Variants in BCL11A observed in about 807,000 individuals in gnomAD.
The protein encoded by BCL11A is BCL11 transcription factor A.
A neutral mutation model predicts 55.9 loss-of-function variants in BCL11A; 2 were observed. That is an observed-to-expected ratio of 0.04 (90% CI 0.01 to 0.11). The LOEUF (loss-of-function observed/expected upper bound fraction) is 0.11. BCL11A is among the 10% of genes least tolerant of loss of function. BCL11A has a pLI of 1.00. For synonymous variants in BCL11A, 465 were observed against 473.4 expected (o/e 0.98, Z 0.23); for missense variants, 817 against 1,137.1 (o/e 0.72, Z 4.05).
chr2:60,548,283 T>G (rs1017560584), intron 1 of BCL11A, among the ~76,000 whole-genome samples: 1 of 149,780 alleles, frequency 6.7e-6, no homozygotes, highest in Non-Finnish European at 1.5e-5. Flanking sequence ...TACTAGTACA[T>G]AGAACCTTTG....
intron 2 of BCL11A, among the ~76,000 whole-genome samples, chr2:60,498,362 C>T (rs986956080): frequency 2.0e-5 from 3 of 152,024 alleles, no homozygotes; most frequent in African/African-American, 7.2e-5. Flanking sequence ...AACTCCCTAC[C>T]GCGACCCCTA....
intron 2 of BCL11A, chr2:60,526,288 A>T (rs1008223678): frequency 2.0e-5 from 3 of 152,256 alleles, no homozygotes; most frequent in Non-Finnish European, 4.4e-5. Context: ...ATTTTTAAAT[A>T]GTTTTCATCT....
intron 2 of BCL11A, among the ~76,000 whole-genome samples, chr2:60,492,424 T>C (rs1465051299): frequency 1.3e-5 from 2 of 152,180 alleles, no homozygotes. Context: ...TTAGAATAAA[T>C]GTATTTCTAG....
At chr2:60,499,478 A>G (rs1318082701) in intron 2 of BCL11A, among the ~76,000 whole-genome samples, 4 of 152,182 alleles carry the variant, frequency 2.6e-5, no homozygotes, top group Admixed American at 2.0e-4. Context: ...CTGAGGCCCA[A>G]TAGGCTGATT....
chr2:60,471,588 C>G (rs1256189236), intron 2 of BCL11A, among the ~76,000 whole-genome samples: 2 of 152,224 alleles, frequency 1.3e-5, no homozygotes, highest in African/African-American at 4.8e-5. Flanking sequence ...GCGTCAAACT[C>G]GAGGAGCAGC....
rs1348228671 is a variant in BCL11A at position 60,460,740 on chromosome 2, A to G, written c.2172T>C (p.His724=). 1 of 1,614,002 alleles carries G rather than the reference A, an allele frequency of 6.2e-7. No homozygotes were observed. Among genetic ancestry groups the G allele is most frequent in the Admixed American group, 1.7e-5 (1 of 60,018 alleles). ...GCCTGCCCGGGCCCGGACCACTAAT[A>G]TGGGGCGTGCTCCCTCCACTTCCCG... The part of the protein sequence containing the change: ...SGTGSGGSTP[H]ISGPGPGRPS... Residue 724 remains histidine, a synonymous_variant, in exon 4 of 4, where the codon CAT becomes CAC. Coordinates refer to ENST00000642384, the MANE Select transcript of BCL11A (RefSeq NM_022893.4).
Position 60,553,344 on chromosome 2 carries a change from G to A in BCL11A, c.-74C>T, listed in dbSNP as rs563779252. ...GACGACGGCTCGGTTCACATCGGGA[G>A]AGCCGGGTTAGAAAGAAGGAGACTC... On this transcript the variant is annotated 5_prime_UTR_variant, in exon 1 of 4. Transcript: ENST00000642384. 82 of 1,473,458 alleles carry A rather than the reference G, an allele frequency of 5.6e-5. No individual in the cohort carries two copies. In the East Asian group the frequency reaches 1.7e-3, roughly 31 times the overall value. 91.3% of individuals were successfully genotyped at this position (1,473,458 alleles called of 1,614,324 possible).
At position 60,458,567 on chromosome 2, in the gene BCL11A, A is replaced by C; in HGVS notation, c.*1837T>G. On this transcript the variant is annotated 3_prime_UTR_variant, in exon 4 of 4. Coordinates refer to ENST00000642384, the MANE Select transcript of BCL11A (RefSeq NM_022893.4). Reference sequence around the variant, plus strand: ...GCGCTTGCAATGTTGCGTCCAAGTAAGTAAGCTCAATAGTCAAGTAAATGG... The same window carrying C: ...GCGCTTGCAATGTTGCGTCCAAGTACGTAAGCTCAATAGTCAAGTAAATGG... 1.9e-5 allele frequency: 20 copies of C among 1,037,754 alleles called. No homozygotes were observed. Among genetic ancestry groups the C allele is most frequent in the Non-Finnish European group, 2.3e-5 (20 of 861,582 alleles). 64.3% of individuals were successfully genotyped at this position (1,037,754 alleles called of 1,614,324 possible).
intron 2 of BCL11A, chr2:60,545,313 C>T (rs1250297496): frequency 6.6e-6 from 1 of 152,588 alleles, no homozygotes; most frequent in Non-Finnish European, 1.5e-5. Flanking sequence ...CAACTGCCCT[C>T]TCTACTCTGG....
rs3028029 is a variant in BCL11A, at chr2:60,519,539, TTGCCTGCCTGCC to T, written c.385+26420_385+26431del. On this transcript the variant is annotated intron_variant, in intron 2 of 3. Transcript: ENST00000642384. ...TGCAGAGAAAAAATAAGGTCCTCACTTGCCTGCCTGCCTGCCTGCCTGCCTGCCTGCCTGCCT... is the reference window on the plus strand; with the variant it reads ...TGCAGAGAAAAAATAAGGTCCTCACTTGCCTGCCTGCCTGCCTGCCTGCCT... 6.1e-3 allele frequency among the ~76,000 whole-genome samples: 904 copies of T among 147,626 alleles called. 3 individuals are homozygous for T. Among genetic ancestry groups the T allele is most frequent in the South Asian group, 0.026 (116 of 4,482 alleles).
intron 2 of BCL11A, among the ~76,000 whole-genome samples, chr2:60,521,923 C>T (rs563039237): frequency 3.9e-5 from 6 of 152,254 alleles, no homozygotes; most frequent in African/African-American, 1.4e-4. Context: ...GAATGGGGGA[C>T]AGTGCACAGT....
chr2:60,454,050 G>C (rs1675832068), downstream of BCL11A, among the ~76,000 whole-genome samples: 1 of 152,108 alleles, frequency 6.6e-6, no homozygotes, highest in Admixed American at 6.6e-5. Flanking sequence ...GAGAAAGAGA[G>C]AGAGAGAGAG....
rs547249650 is a variant in BCL11A at position 60,474,302 on chromosome 2, T to A, written c.386-5469A>T. On this transcript the variant is annotated intron_variant, in intron 2 of 3. Coordinates refer to ENST00000642384, the MANE Select transcript of BCL11A (RefSeq NM_022893.4). ...CTGTGTCTTTAACATAAGCAAAGCATATAATTCCAAAAAAAAAAAATCTTG... is the reference window on the plus strand; with the variant it reads ...CTGTGTCTTTAACATAAGCAAAGCAAATAATTCCAAAAAAAAAAAATCTTG... Among the ~76,000 whole-genome samples the A allele has an allele frequency of 2.7e-5, 4 of 150,586 alleles. No homozygotes were observed. The East Asian group carries it at 7.7e-4, about 29-fold the overall frequency.
At chr2:60,467,906 ATGG>A (rs754981583) in intron 3 of BCL11A, among the ~76,000 whole-genome samples, 35 of 8,474 alleles carry the variant, frequency 4.1e-3, no homozygotes, top group Non-Finnish European at 5.7e-3. Flanking sequence ...GGTGGTGGTA[ATGG>A]TGGTGGTGGT....
At chr2:60,488,736 T>TTTTG (rs45517431) in intron 2 of BCL11A, among the ~76,000 whole-genome samples, 3,689 of 151,888 alleles carry the variant, frequency 0.024, 56 homozygotes, top group Middle Eastern at 0.075. Flanking sequence ...CCCAAAACGA[T>TTTTG]TTTGTTTGTT....
exon 5 of BCL11A, chr2:60,451,197 G>C (rs1030083439): frequency 4.8e-6 from 1 of 207,344 alleles, no homozygotes; most frequent in African/African-American, 2.3e-5. Flanking sequence ...TGAATAAGCA[G>C]GAAATAATTC....
chr2:60,542,005 T>A, intron 2 of BCL11A: 1 of 664,810 alleles, frequency 1.5e-6, no homozygotes, highest in South Asian at 1.7e-5. Context: ...GTATTTGATT[T>A]ACTTTTAAGA....
At chr2:60,467,525 A>G (rs1349481619) in intron 3 of BCL11A, among the ~76,000 whole-genome samples, 2 of 9,276 alleles carry the variant, frequency 2.2e-4, no homozygotes. Context: ...ACTGGTGGTG[A>G]TGGTGATGGT....
chr2:60,497,625 G>C (rs1419448161), intron 2 of BCL11A, among the ~76,000 whole-genome samples: 3 of 7,826 alleles, frequency 3.8e-4, no homozygotes, highest in Admixed American at 3.3e-3. Flanking sequence ...CCATTATGAT[G>C]ATGATAATAA....
Sources: gnomAD v4.1 joint callset for allele counts (sites outside exome capture counted in the v4.1 genomes callset) on GRCh38, gnomAD v4.1.1 for gene constraint, MANE v1.5 for transcripts, NCBI Gene and HGNC (gene_info 2026-07-23, HGNC 2026-07-21) for gene names.